Variants in NOSTRIN observed in about 807,000 individuals in gnomAD.
The protein encoded by NOSTRIN is BM247 homolog.
A neutral mutation model predicts 59.0 loss-of-function variants in NOSTRIN; 63 were observed. The observed-to-expected ratio is 1.07, with a 90% confidence interval of 0.87 to 1.32. The LOEUF (loss-of-function observed/expected upper bound fraction) is 1.32, where lower values mean the gene tolerates loss of function less well. NOSTRIN is among the 40% of genes most tolerant of loss of function. NOSTRIN has a pLI of 0.00. For missense variants in NOSTRIN, 512 were observed against 473.1 expected (o/e 1.08, Z -0.76); for synonymous variants, 200 against 165.4 (o/e 1.21, Z -1.61).
intron 15 of NOSTRIN, among the ~76,000 whole-genome samples, chr2:168,864,598 A>G (rs567044420): frequency 6.6e-6 from 1 of 152,296 alleles, no homozygotes; most frequent in African/African-American, 2.4e-5. Flanking sequence ...CCTGTCTTTA[A>G]GCAATTATTT....
intron 3 of NOSTRIN, among the ~76,000 whole-genome samples, 192 bp from the exon 4 acceptor site, chr2:168,827,966 T>C (rs539102416): frequency 3.2e-4 from 49 of 152,022 alleles, no homozygotes; most frequent in African/African-American, 1.2e-3. Context: ...AAAAGCAGTA[T>C]ATATAATGAG....
chr2:168,850,452 T>G (rs540283572), intron 8 of NOSTRIN, among the ~76,000 whole-genome samples: 4 of 152,270 alleles, frequency 2.6e-5, no homozygotes, highest in African/African-American at 4.8e-5. Context: ...AACAGAGAAT[T>G]TGTGGCCTGT....
chr2:168,861,765 C>G (rs75738465), intron 14 of NOSTRIN, among the ~76,000 whole-genome samples, 195 bp from the exon 15 acceptor site: 239 of 152,226 alleles, frequency 1.6e-3, no homozygotes, highest in Non-Finnish European at 2.7e-3. Context: ...CATATGCAGT[C>G]CATACATATA....
At chr2:168,863,128 G>T (rs1169328940) in intron 15 of NOSTRIN, among the ~76,000 whole-genome samples, 3 of 152,018 alleles carry the variant, frequency 2.0e-5, no homozygotes, top group Non-Finnish European at 4.4e-5. Flanking sequence ...GTTCTCTGTT[G>T]GTTGCAAAGC....
chr2:168,831,342 A>G, intron 5 of NOSTRIN, 130 bp from the exon 6 acceptor site: 1 of 610,528 alleles, frequency 1.6e-6, no homozygotes, highest in South Asian at 2.1e-5. Flanking sequence ...CAGAGCCTCC[A>G]CCTCCAAATA....
intron 1 of NOSTRIN, among the ~76,000 whole-genome samples, chr2:168,808,310 C>G (rs145872846): frequency 5.9e-5 from 9 of 152,302 alleles, no homozygotes; most frequent in African/African-American, 2.2e-4. Context: ...TGATGGTGGA[C>G]TGGTAGGGCC....
chr2:168,821,641 C>T (rs938346955), intron 2 of NOSTRIN, among the ~76,000 whole-genome samples: 19 of 152,136 alleles, frequency 1.2e-4, no homozygotes, highest in Non-Finnish European at 2.8e-4. Flanking sequence ...GGGAGAGTGG[C>T]GAGGATCCTT....
rs1378434414 is a variant in NOSTRIN, at chr2:168,860,847, T to A, written c.1232T>A (p.Leu411Ter). The change falls in exon 14 of 16, where the codon TTA becomes TAA. Residue 411 changes from leucine (L) to a stop codon, truncating the protein, a stop_gained. Coordinates refer to ENST00000317647, the MANE Select transcript of NOSTRIN (RefSeq NM_001039724.4). LOFTEE classifies it high-confidence loss of function. ...KISRPFLMKR[L>*]ENIVSKASSG... is the part of the protein sequence containing the mutation. ...TCTCGGCCTTTTTTAATGAAGAGAT[T>A]AGAGAATATTGTGAGCAAGGCATCT... The A allele has an allele frequency of 1.9e-6, 3 of 1,613,948 alleles. No individual in the cohort carries two copies. The highest frequency in any genetic ancestry group is 2.5e-6 in the Non-Finnish European group (3 of 1,179,916).
intron 8 of NOSTRIN, among the ~76,000 whole-genome samples, chr2:168,846,404 C>G (rs1338364289): frequency 6.6e-6 from 1 of 152,090 alleles, no homozygotes; most frequent in Non-Finnish European, 1.5e-5. Flanking sequence ...CCTTTTTACT[C>G]TACAGGTTGG....
intron 8 of NOSTRIN, among the ~76,000 whole-genome samples, chr2:168,848,319 A>G (rs1057448421): frequency 6.6e-6 from 1 of 152,224 alleles, no homozygotes; most frequent in Non-Finnish European, 1.5e-5. Flanking sequence ...AATTTTGTGA[A>G]AGCCTCAGGG....
At chr2:168,816,183 G>A (rs1686387538) in intron 2 of NOSTRIN, among the ~76,000 whole-genome samples, 1 of 152,152 alleles carries the variant, frequency 6.6e-6, no homozygotes, top group Non-Finnish European at 1.5e-5. Flanking sequence ...CTCTGACAGA[G>A]CTGTGCCCCT....
rs1205372851 is a variant in NOSTRIN at position 168,837,851 on chromosome 2, C to T, written c.504+3526C>T. 3.3e-5 allele frequency among the ~76,000 whole-genome samples: 5 copies of T among 152,200 alleles called. No individual in the cohort carries two copies. In the South Asian group the frequency reaches 1.0e-3, roughly 32 times the overall value. On this transcript the variant is annotated intron_variant, in intron 7 of 15. Coordinates refer to ENST00000317647, the MANE Select transcript of NOSTRIN (RefSeq NM_001039724.4). The stretch of plus-strand genomic sequence containing the variant: ...GTTTCTAGAAACATTCTCTTCTTTT[C>T]ACTTTAGTAACAACTAATGCTTTTA...
chr2:168,816,113 T>C (rs890368141), intron 2 of NOSTRIN, among the ~76,000 whole-genome samples: 1 of 152,190 alleles, frequency 6.6e-6, no homozygotes, highest in Admixed American at 6.5e-5. Context: ...CAAAGGCACA[T>C]GGCTGAGTGA....
rs1299088954 is a variant in NOSTRIN at position 168,827,346 on chromosome 2, A to G, written c.198-812A>G. Among the ~76,000 whole-genome samples, 4 of 152,244 alleles carry G rather than the reference A, an allele frequency of 2.6e-5. No individual in the cohort carries two copies. In the East Asian group the frequency reaches 5.8e-4, roughly 22 times the overall value. Reference sequence around the variant, plus strand: ...AAAGTGAGATACTGCTCATGGGACCATTAACTATCTGAGCTGTTGTCCTCA... The same window carrying G: ...AAAGTGAGATACTGCTCATGGGACCGTTAACTATCTGAGCTGTTGTCCTCA... On this transcript the variant is annotated intron_variant, in intron 3 of 15. Transcript: ENST00000317647.
At chr2:168,805,063 C>A (rs965138333) in intron 1 of NOSTRIN, among the ~76,000 whole-genome samples, 1 of 152,096 alleles carries the variant, frequency 6.6e-6, no homozygotes, top group Admixed American at 6.5e-5. Flanking sequence ...TAATTCATTT[C>A]CTTTTTAACC....
intron 1 of NOSTRIN, among the ~76,000 whole-genome samples, chr2:168,807,473 C>A (rs1018062018): frequency 1.3e-5 from 2 of 152,106 alleles, no homozygotes; most frequent in Non-Finnish European, 2.9e-5. Flanking sequence ...TTGATGTCAC[C>A]TTTATCTCAA....
chr2:168,792,886 G>A (rs565966642), intron 2 of NOSTRIN, among the ~76,000 whole-genome samples: 11 of 152,096 alleles, frequency 7.2e-5, no homozygotes, highest in Non-Finnish European at 1.5e-4. Context: ...TGAAATATAT[G>A]GTATTACTTC....
At chr2:168,852,283 A>G (rs542631134) in intron 10 of NOSTRIN, among the ~76,000 whole-genome samples, 2 of 152,094 alleles carry the variant, frequency 1.3e-5, no homozygotes, top group Non-Finnish European at 2.9e-5. Flanking sequence ...GGACCAGATT[A>G]TCGGAGGCTT....
chr2:168,820,505 C>G (rs1348787728), intron 2 of NOSTRIN, among the ~76,000 whole-genome samples: 1 of 152,136 alleles, frequency 6.6e-6, no homozygotes, highest in Non-Finnish European at 1.5e-5. Flanking sequence ...TCTGGACAGT[C>G]TCTTTAGGTG....
Sources: gnomAD v4.1 joint callset for allele counts (sites outside exome capture counted in the v4.1 genomes callset) on GRCh38, gnomAD v4.1.1 for gene constraint, MANE v1.5 for transcripts, NCBI Gene and HGNC (gene_info 2026-07-23, HGNC 2026-07-21) for gene names.